PCSK5: variants seen among roughly 807,000 people sequenced by gnomAD.
The protein encoded by PCSK5 is prohormone convertase 5.
In PCSK5, 129 loss-of-function variants were observed where a neutral mutation model predicts 233.2. That is an observed-to-expected ratio of 0.55 (90% CI 0.48 to 0.64). The LOEUF (loss-of-function observed/expected upper bound fraction) is 0.64. PCSK5 is among the 30% of genes least tolerant of loss of function. The probability of loss-of-function intolerance (pLI) is 0.00; values close to 1 mark genes in which losing one functional copy is unlikely to be tolerated. For missense variants in PCSK5, 2,076 were observed against 2,430.1 expected (o/e 0.85, Z 3.06); for synonymous variants, 825 against 879.2 (o/e 0.94, Z 1.09).
At chr9:76,336,313 CA>C (rs11351169) in intron 34 of PCSK5, among the ~76,000 whole-genome samples, 104,412 of 151,338 alleles carry the variant, frequency 0.69, 36,637 homozygotes, top group South Asian at 0.8. Flanking sequence ...AATTAGTCTA[CA>C]AAAAAAAAGC....
intron 6 of PCSK5, among the ~76,000 whole-genome samples, chr9:76,070,348 C>G (rs573071658): frequency 1.3e-5 from 2 of 152,168 alleles, no homozygotes; most frequent in Non-Finnish European, 2.9e-5. Context: ...TCCACCTCTC[C>G]TGTTAACACA....
intron 24 of PCSK5, among the ~76,000 whole-genome samples, chr9:76,288,507 T>G (rs955730081): frequency 6.6e-6 from 1 of 152,206 alleles, no homozygotes; most frequent in Non-Finnish European, 1.5e-5. Flanking sequence ...TCTCAGCACT[T>G]TGGGAAGCCA....
intron 9 of PCSK5, among the ~76,000 whole-genome samples, chr9:76,125,592 G>A (rs1832815263): frequency 6.6e-6 from 1 of 152,194 alleles, no homozygotes; most frequent in Non-Finnish European, 1.5e-5. Flanking sequence ...ACTTTTGATA[G>A]TATGTATGCC....
intron 5 of PCSK5, among the ~76,000 whole-genome samples, chr9:76,030,990 A>G (rs1013425995): frequency 2.6e-5 from 4 of 152,102 alleles, no homozygotes; most frequent in African/African-American, 7.2e-5. Context: ...CCTGACGGTG[A>G]AATAGGGAAT....
intron 3 of PCSK5, among the ~76,000 whole-genome samples, chr9:76,011,828 TTTC>T (rs1426807923): frequency 6.6e-6 from 1 of 152,166 alleles, no homozygotes. Flanking sequence ...CAAAATGAAG[TTTC>T]AGTGTTTATT....
chr9:75,932,342 T>C (rs1188620963), intron 1 of PCSK5, 37 bp from the exon 2 acceptor site: 1 of 1,238,806 alleles, frequency 8.1e-7, no homozygotes. Flanking sequence ...CATTAATGTC[T>C]TTTTTTTGTT....
chr9:75,909,889 G>A (rs994522446), intron 1 of PCSK5, among the ~76,000 whole-genome samples: 1 of 152,128 alleles, frequency 6.6e-6, no homozygotes, highest in Non-Finnish European at 1.5e-5. Flanking sequence ...GACTTCAGTG[G>A]CCCAGTGAAA....
intron 12 of PCSK5, among the ~76,000 whole-genome samples, chr9:76,164,115 T>C (rs1822991079): frequency 6.8e-6 from 1 of 147,802 alleles, no homozygotes; most frequent in Non-Finnish European, 1.5e-5. Context: ...GCTTCAGTCA[T>C]TTCTGTCACT....
intron 20 of PCSK5, among the ~76,000 whole-genome samples, chr9:76,222,229 C>T (rs1210029260): frequency 6.6e-6 from 1 of 152,164 alleles, no homozygotes; most frequent in African/African-American, 2.4e-5. Context: ...TGGTTGATAC[C>T]CTTTGGACCC....
chr9:76,264,624 A>C (rs949580076), intron 24 of PCSK5, among the ~76,000 whole-genome samples: 2 of 152,226 alleles, frequency 1.3e-5, no homozygotes, highest in African/African-American at 4.8e-5. Context: ...ACTTCTCAAA[A>C]GAAGAAATAC....
At chr9:76,313,530 T>C (rs1173108410) in intron 30 of PCSK5, among the ~76,000 whole-genome samples, 10 of 152,118 alleles carry the variant, frequency 6.6e-5, no homozygotes, top group Admixed American at 3.9e-4. Context: ...TGGGATTATA[T>C]AAAATGTGGT....
At chr9:75,989,861 T>C (rs1826690710) in intron 3 of PCSK5, among the ~76,000 whole-genome samples, 1 of 152,086 alleles carries the variant, frequency 6.6e-6, no homozygotes, top group Non-Finnish European at 1.5e-5. Context: ...GCTGATTCAA[T>C]GTAACAGGGA....
rs188623393 is a variant in PCSK5, at chr9:76,076,515, T to C, written c.894+4617T>C. Among the ~76,000 whole-genome samples, 219 of 152,138 alleles carry C rather than the reference T, an allele frequency of 1.4e-3. 7 individuals are homozygous for C. The South Asian group carries it at 0.041, about 28-fold the overall frequency. ...AGCAGCATCAAGACCATCAAAGAGA[T>C]CAGGCAGCAATAGATAAGCCCAAGT... On this transcript the variant is annotated intron_variant, in intron 7 of 37. Coordinates refer to ENST00000674117, the MANE Select transcript of PCSK5 (RefSeq NM_001372043.1).
chr9:76,131,735 CA>C (rs1226693101), intron 9 of PCSK5, among the ~76,000 whole-genome samples: 1 of 151,902 alleles, frequency 6.6e-6, no homozygotes, highest in Admixed American at 6.6e-5. Flanking sequence ...GTGGATCTCC[CA>C]ATGATCAGAA....
intron 24 of PCSK5, chr9:76,286,873 A>T (rs1241066779): frequency 4.8e-6 from 1 of 208,258 alleles, no homozygotes; most frequent in Non-Finnish European, 9.5e-6. Context: ...TTTTACACTT[A>T]GTCTGCAGCC....
At chr9:76,292,863 G>C (rs1356967891) in intron 25 of PCSK5, among the ~76,000 whole-genome samples, 1 of 152,204 alleles carries the variant, frequency 6.6e-6, no homozygotes, top group Non-Finnish European at 1.5e-5. Context: ...GAAAATGAAA[G>C]AGAAAGGAGC....
chr9:76,252,276 A>AAAT (rs1187517466), intron 24 of PCSK5, among the ~76,000 whole-genome samples: 29 of 148,134 alleles, frequency 2.0e-4, no homozygotes, highest in African/African-American at 4.5e-4. Flanking sequence ...GTCTCAGAAA[A>AAAT]AATAATAATA....
intron 8 of PCSK5, among the ~76,000 whole-genome samples, chr9:76,099,917 C>A (rs1039605108): frequency 2.0e-5 from 3 of 152,174 alleles, no homozygotes; most frequent in African/African-American, 7.2e-5. Flanking sequence ...GTGATTTGAA[C>A]CAAGACAGTT....
At chr9:76,300,061 G>C (rs779378549) in intron 27 of PCSK5, among the ~76,000 whole-genome samples, 2 of 152,136 alleles carry the variant, frequency 1.3e-5, no homozygotes, top group African/African-American at 4.8e-5. Flanking sequence ...CTTTGTGTTT[G>C]TGACCACATC....
Sources: allele counts gnomAD v4.1 joint callset (sites outside exome capture counted in the v4.1 genomes callset), GRCh38; gene constraint gnomAD v4.1.1; transcripts MANE v1.5; gene names NCBI Gene and HGNC (gene_info 2026-07-23, HGNC 2026-07-21).